Variants in CFAP54 observed in about 807,000 individuals in gnomAD.
CFAP54 encodes cilia and flagella associated protein 54, also known as cilia- and flagella-associated protein 54.
A neutral mutation model predicts 370.4 loss-of-function variants in CFAP54; 290 were observed. The ratio of observed to expected loss-of-function variants is 0.78; its 90% CI spans 0.71 to 0.86. CFAP54 has a LOEUF of 0.86. Ranked by LOEUF, CFAP54 falls within the 40% of genes least tolerant of loss-of-function variation. The probability of loss-of-function intolerance (pLI) is 0.00; values close to 1 mark genes in which losing one functional copy is unlikely to be tolerated. For missense variants in CFAP54, 3,399 were observed against 3,528.7 expected (o/e 0.96, Z 0.93); for synonymous variants, 1,206 against 1,236.5 (o/e 0.98, Z 0.52).
At chr12:96,606,747 C>A (rs527299618) in intron 26 of CFAP54, among the ~76,000 whole-genome samples, 1 of 152,232 alleles carries the variant, frequency 6.6e-6, no homozygotes, top group African/African-American at 2.4e-5. Context: ...TTTTATGGAA[C>A]CTCATTCACC....
intron 56 of CFAP54, among the ~76,000 whole-genome samples, 172 bp downstream of exon 56, chr12:96,754,070 A>G (rs1958222573): frequency 6.6e-6 from 1 of 152,218 alleles, no homozygotes; most frequent in African/African-American, 2.4e-5. Context: ...AGGTAAAAGA[A>G]TGCTGTTTAT....
chr12:96,735,782 G>C (rs1352136636), intron 50 of CFAP54, among the ~76,000 whole-genome samples: 4 of 152,148 alleles, frequency 2.6e-5, no homozygotes, highest in South Asian at 2.1e-4. Flanking sequence ...GAGAAATAGA[G>C]AAGCAGAGTA....
intron 1 of CFAP54, among the ~76,000 whole-genome samples, chr12:96,500,331 A>G (rs1328926791): frequency 6.6e-6 from 1 of 152,218 alleles, no homozygotes; most frequent in Non-Finnish European, 1.5e-5. Flanking sequence ...AGCACGGAGG[A>G]TTTTTAGGAT....
At chr12:96,787,697 C>T (rs181284544) in intron 62 of CFAP54, among the ~76,000 whole-genome samples, 105 of 152,210 alleles carry the variant, frequency 6.9e-4, no homozygotes, top group Middle Eastern at 3.4e-3. Context: ...ATGGATAAAG[C>T]GTAGTCCCTG....
intron 26 of CFAP54, among the ~76,000 whole-genome samples, chr12:96,606,530 A>G (rs1956302918): frequency 6.6e-6 from 1 of 152,240 alleles, no homozygotes; most frequent in African/African-American, 2.4e-5. Flanking sequence ...AATACTAGAA[A>G]GTATTTATTG....
At chr12:96,676,958 T>C (rs1639160717) in intron 39 of CFAP54, among the ~76,000 whole-genome samples, 1 of 152,110 alleles carries the variant, frequency 6.6e-6, no homozygotes. Flanking sequence ...TCTGGTCTCC[T>C]GATCTCAGAC....
In CFAP54 at chr12:96,502,411, A is replaced by AAT. The variant is rs1390588147; in HGVS notation, c.423+1473_424-1473insTA. Among the ~76,000 whole-genome samples the AAT allele has an allele frequency of 3.0e-3, 449 of 151,400 alleles. 2 individuals are homozygous for AAT. Among genetic ancestry groups the AAT allele is most frequent in the African/African-American group, 0.01 (432 of 41,230 alleles). On this transcript the variant is annotated intron_variant, in intron 2 of 67. Transcript: ENST00000524981. ...ACACTGTCCCTAAAAAAAAAAAAAAAAAAAAAAAGGTATTTATAATTCTGA... is the reference window on the plus strand; with the variant it reads ...ACACTGTCCCTAAAAAAAAAAAAAAAATAAAAAAAAGGTATTTATAATTCTGA...
At chr12:96,851,495 T>G (rs144985289) in intron 66 of CFAP54, among the ~76,000 whole-genome samples, 1 of 152,226 alleles carries the variant, frequency 6.6e-6, no homozygotes, top group Non-Finnish European at 1.5e-5. Flanking sequence ...ACATAAATAT[T>G]AAGAAATAAC....
At chr12:96,664,715 C>CTATATATATATATATCTATATA in intron 39 of CFAP54, among the ~76,000 whole-genome samples, 2 of 66,740 alleles carry the variant, frequency 3.0e-5, no homozygotes, top group South Asian at 1.3e-3. Flanking sequence ...ATATATATAT[C>CTATATATATATATATCTATATA]TATATATATC....
chr12:96,656,593 C>G (rs1429069334), intron 36 of CFAP54, among the ~76,000 whole-genome samples: 1 of 152,228 alleles, frequency 6.6e-6, no homozygotes, highest in Admixed American at 6.5e-5. Flanking sequence ...GTTGGTCAGG[C>G]TGGTCTCAAA....
At chr12:96,502,199 G>GAT in intron 2 of CFAP54, among the ~76,000 whole-genome samples, 1 of 152,182 alleles carries the variant, frequency 6.6e-6, no homozygotes, top group East Asian at 1.9e-4. Context: ...GAAAGGCCTA[G>GAT]ATAGGATATT....
chr12:96,509,607 G>T (rs1396040994), intron 4 of CFAP54, among the ~76,000 whole-genome samples: 1 of 152,074 alleles, frequency 6.6e-6, no homozygotes, highest in Non-Finnish European at 1.5e-5. Flanking sequence ...CCTGAGGTCA[G>T]GAGTTCAAGA....
chr12:96,745,894 G>T (rs561907756), intron 55 of CFAP54, among the ~76,000 whole-genome samples: 1 of 152,294 alleles, frequency 6.6e-6, no homozygotes, highest in South Asian at 2.1e-4. Context: ...TCTAGTTAGT[G>T]CCTTAACTAG....
At chr12:96,632,768 A>G (rs181245205) in intron 32 of CFAP54, among the ~76,000 whole-genome samples, 1 of 152,144 alleles carries the variant, frequency 6.6e-6, no homozygotes, top group Admixed American at 6.5e-5. Context: ...AAAAAACTCT[A>G]TTATGATTTT....
intron 17 of CFAP54, among the ~76,000 whole-genome samples, chr12:96,561,103 G>C (rs1212474267): frequency 1.3e-5 from 2 of 152,116 alleles, no homozygotes; most frequent in Non-Finnish European, 2.9e-5. Context: ...CTTCACACTG[G>C]ATCCTGTGTT....
chr12:96,559,415 A>C (rs1345298432), intron 17 of CFAP54, among the ~76,000 whole-genome samples: 1 of 152,148 alleles, frequency 6.6e-6, no homozygotes, highest in Admixed American at 6.5e-5. Context: ...GTTAAAAATT[A>C]AAAAGTTAAC....
intron 39 of CFAP54, among the ~76,000 whole-genome samples, chr12:96,674,941 A>G (rs1432936773): frequency 6.6e-6 from 1 of 152,212 alleles, no homozygotes; most frequent in East Asian, 1.9e-4. Flanking sequence ...TTAATTCGAG[A>G]TGGATTAAAG....
intron 55 of CFAP54, 84 bp downstream of exon 55, chr12:96,744,230 A>G: frequency 8.2e-7 from 1 of 1,215,692 alleles, no homozygotes; most frequent in Non-Finnish European, 1.1e-6. Flanking sequence ...ATATGAGTGC[A>G]TTTAAAAGAG....
chr12:96,525,840 G>A (rs567316161), intron 8 of CFAP54, among the ~76,000 whole-genome samples: 31 of 152,218 alleles, frequency 2.0e-4, no homozygotes, highest in African/African-American at 5.1e-4. Context: ...ACAGGCGCGC[G>A]CCACCATGCC....
Sources: allele counts gnomAD v4.1 joint callset (sites outside exome capture counted in the v4.1 genomes callset), GRCh38; gene constraint gnomAD v4.1.1; transcripts MANE v1.5; gene names NCBI Gene and HGNC (gene_info 2026-07-23, HGNC 2026-07-21).